Variants in SLC25A21 observed in about 807,000 individuals in gnomAD.
SLC25A21 encodes solute carrier family 25 member 21, also known as mitochondrial 2-oxodicarboxylate carrier.
Under a neutral mutation model 43.8 loss-of-function variants are expected in SLC25A21, and 47 were observed. The ratio of observed to expected loss-of-function variants is 1.07; its 90% confidence interval spans 0.85 to 1.37. The LOEUF (loss-of-function observed/expected upper bound fraction) is 1.37, where lower values mean the gene tolerates loss of function less well. Among genes scored for constraint, SLC25A21 ranks in the 40% most tolerant of loss-of-function variants. SLC25A21 has a pLI of 0.00. For synonymous variants in SLC25A21, 131 were observed against 121.3 expected (o/e 1.08, Z -0.52); for missense variants, 352 against 350.2 (o/e 1.00, Z -0.04).
intron 1 of SLC25A21, among the ~76,000 whole-genome samples, chr14:37,099,445 T>C (rs918627782): frequency 4.6e-5 from 7 of 152,166 alleles, no homozygotes; most frequent in African/African-American, 7.2e-5. Context: ...TCATTTGTTG[T>C]CTCAATCATC....
chr14:36,864,243 T>G (rs1310339451), intron 2 of SLC25A21, among the ~76,000 whole-genome samples: 1 of 152,232 alleles, frequency 6.6e-6, no homozygotes, highest in African/African-American at 2.4e-5. Context: ...GAATTTAATT[T>G]GTATTAATGC....
At position 37,172,573 on chromosome 14, in the gene SLC25A21, C is replaced by T; in HGVS notation, c.-223G>A. The T allele has an allele frequency of 2.9e-6, 2 of 701,254 alleles. No homozygotes were observed. The highest frequency in any genetic ancestry group is 2.6e-6 in the Non-Finnish European group (1 of 384,530). 43.4% of individuals were successfully genotyped at this position (701,254 alleles called of 1,614,324 possible). ...CCTGTTCGCAGCGCTCTCGCAGAGGCGCCCTCGGCTCCGAAAATGTCTCTG... is the reference window on the plus strand; with the variant it reads ...CCTGTTCGCAGCGCTCTCGCAGAGGTGCCCTCGGCTCCGAAAATGTCTCTG... On this transcript the variant is annotated 5_prime_UTR_variant, in exon 1 of 10. Coordinates refer to ENST00000331299, the MANE Select transcript of SLC25A21 (RefSeq NM_030631.4).
chr14:37,032,082 T>C (rs1426070546), intron 1 of SLC25A21, among the ~76,000 whole-genome samples: 2 of 151,956 alleles, frequency 1.3e-5, no homozygotes, highest in Non-Finnish European at 2.9e-5. Context: ...ATTGTAGGCC[T>C]TCCCCATCAT....
At chr14:36,844,744 T>C (rs1889490259) in intron 2 of SLC25A21, among the ~76,000 whole-genome samples, 1 of 152,198 alleles carries the variant, frequency 6.6e-6, no homozygotes, top group Admixed American at 6.5e-5. Flanking sequence ...TTCGAAAATC[T>C]GGACAGAGGG....
At chr14:37,084,653 A>G (rs1962450083) in intron 1 of SLC25A21, among the ~76,000 whole-genome samples, 1 of 152,262 alleles carries the variant, frequency 6.6e-6, no homozygotes, top group African/African-American at 2.4e-5. Context: ...GGTCCCCAAC[A>G]GACACAGTCA....
intron 1 of SLC25A21, among the ~76,000 whole-genome samples, chr14:37,139,446 ATTTCAACT>A (rs1035120084): frequency 1.3e-5 from 2 of 152,120 alleles, no homozygotes; most frequent in African/African-American, 4.8e-5. Flanking sequence ...CAATGCTTAT[ATTTCAACT>A]TTTCAACATT....
chr14:37,162,277 G>C (rs996656778), intron 1 of SLC25A21, among the ~76,000 whole-genome samples: 5 of 152,054 alleles, frequency 3.3e-5, no homozygotes, highest in Admixed American at 6.6e-5. Context: ...AATTAGATCC[G>C]ATTTGTCAAT....
intron 1 of SLC25A21, among the ~76,000 whole-genome samples, chr14:37,117,326 A>G (rs1963123967): frequency 6.6e-6 from 1 of 152,146 alleles, no homozygotes; most frequent in African/African-American, 2.4e-5. Flanking sequence ...ATGGTGAAAA[A>G]TTTATTCCCA....
intron 6 of SLC25A21, among the ~76,000 whole-genome samples, chr14:36,720,441 C>T (rs1382332875): frequency 6.6e-6 from 1 of 152,236 alleles, no homozygotes; most frequent in African/African-American, 2.4e-5. Context: ...AGCAGACATG[C>T]TGCCTGAGAA....
At chr14:36,756,061 G>A (rs894175545) in intron 3 of SLC25A21, among the ~76,000 whole-genome samples, 1 of 152,184 alleles carries the variant, frequency 6.6e-6, no homozygotes, top group Non-Finnish European at 1.5e-5. Flanking sequence ...CTGGGGTGGT[G>A]CCATCCCATA....
At chr14:37,163,129 T>C (rs1432417813) in intron 1 of SLC25A21, among the ~76,000 whole-genome samples, 1 of 104,184 alleles carries the variant, frequency 9.6e-6, no homozygotes. Context: ...CATCACACTC[T>C]GGGGACAGTT....
intron 2 of SLC25A21, among the ~76,000 whole-genome samples, chr14:36,864,959 T>C (rs1441168422): frequency 6.6e-6 from 1 of 152,164 alleles, no homozygotes; most frequent in Non-Finnish European, 1.5e-5. Context: ...CTGCCTCTTG[T>C]CTATACCCCA....
intron 3 of SLC25A21, among the ~76,000 whole-genome samples, chr14:36,761,758 A>G (rs1886165515): frequency 6.8e-6 from 1 of 147,122 alleles, no homozygotes; most frequent in South Asian, 2.2e-4. Flanking sequence ...AAATTTGATC[A>G]AATTATCAAA....
intron 1 of SLC25A21, among the ~76,000 whole-genome samples, chr14:36,939,191 AT>A (rs1200200444): frequency 1.3e-5 from 2 of 152,058 alleles, no homozygotes; most frequent in Non-Finnish European, 2.9e-5. Context: ...GTAAACCTAA[AT>A]TTGTGGTCGG....
chr14:36,746,806 A>G (rs1476087801), intron 3 of SLC25A21, among the ~76,000 whole-genome samples: 1 of 152,168 alleles, frequency 6.6e-6, no homozygotes, highest in Non-Finnish European at 1.5e-5. Context: ...GCACTAGGAT[A>G]AACACCTTTT....
intron 1 of SLC25A21, among the ~76,000 whole-genome samples, chr14:37,151,201 G>A (rs929249285): frequency 1.3e-5 from 2 of 152,044 alleles, no homozygotes; most frequent in Non-Finnish European, 2.9e-5. Context: ...AATTACATGC[G>A]ACTTAAGATT....
chr14:37,159,374 G>C (rs904971434), intron 1 of SLC25A21, among the ~76,000 whole-genome samples: 7 of 152,022 alleles, frequency 4.6e-5, no homozygotes, highest in Non-Finnish European at 1.0e-4. Context: ...GGTATGAAAA[G>C]AGACATATAG....
At chr14:36,901,785 G>A (rs2138598523) in intron 1 of SLC25A21, among the ~76,000 whole-genome samples, 1 of 152,086 alleles carries the variant, frequency 6.6e-6, no homozygotes, top group South Asian at 2.1e-4. Flanking sequence ...GCAAAATAAA[G>A]GCTATTTAGA....
chr14:36,706,715 C>T (rs142301518), intron 7 of SLC25A21, among the ~76,000 whole-genome samples: 93 of 152,280 alleles, frequency 6.1e-4, no homozygotes, highest in African/African-American at 1.9e-3. Flanking sequence ...CACGCACATA[C>T]GGTCCATCAC....
Sources: gnomAD v4.1 joint callset for allele counts (sites outside exome capture counted in the v4.1 genomes callset) on GRCh38, gnomAD v4.1.1 for gene constraint, MANE v1.5 for transcripts, NCBI Gene and HGNC (gene_info 2026-07-23, HGNC 2026-07-21) for gene names.